VAV3: variants seen among roughly 807,000 people sequenced by gnomAD.
The protein encoded by VAV3 is guanine nucleotide exchange factor VAV3.
Under a neutral mutation model 131.2 loss-of-function variants are expected in VAV3, and 94 were observed. The ratio of observed to expected loss-of-function variants is 0.72; its 90% CI spans 0.61 to 0.85. The LOEUF (loss-of-function observed/expected upper bound fraction) is 0.85, where lower values mean the gene tolerates loss of function less well. VAV3 is among the 40% of genes least tolerant of loss of function. VAV3 has a pLI of 0.00. For synonymous variants in VAV3, 349 were observed against 342.0 expected (o/e 1.02, Z -0.22); for missense variants, 939 against 1,002.7 (o/e 0.94, Z 0.86).
At chr1:107,768,321 A>C in intron 7 of VAV3, 120 bp downstream of exon 7, 1 of 687,204 alleles carries the variant, frequency 1.5e-6, no homozygotes, top group Admixed American at 3.5e-5. Flanking sequence ...AAAATAAATA[A>C]ATAAGGCCAA....
At chr1:107,856,201 A>G (rs1018281876) in intron 2 of VAV3, among the ~76,000 whole-genome samples, 1 of 152,228 alleles carries the variant, frequency 6.6e-6, no homozygotes, top group Non-Finnish European at 1.5e-5. Flanking sequence ...AAATACAAGG[A>G]GAGACACTGA....
At position 107,964,726 on chromosome 1, in the gene VAV3, G is replaced by A; in HGVS notation, c.144C>T (p.Asn48=). 6.2e-7 allele frequency: 1 copy of A among 1,614,156 alleles called. No individual in the cohort carries two copies. The highest frequency in any genetic ancestry group is 8.5e-7 in the Non-Finnish European group (1 of 1,180,024). Residue 48 remains asparagine (N), a synonymous_variant, in exon 1 of 27, where the codon AAC becomes AAT. Transcript: ENST00000370056. Reference sequence around the variant, plus strand: ...GGTTGATGGAGTGCGCCCGGAGGTTGTTAAGCAGCTGGCAGAGCAGGACTC... The same window carrying A: ...GGTTGATGGAGTGCGCCCGGAGGTTATTAAGCAGCTGGCAGAGCAGGACTC... The part of the protein sequence containing the change: ...RDGVLLCQLL[N]NLRAHSINLK...
intron 2 of VAV3, among the ~76,000 whole-genome samples, chr1:107,838,346 T>A (rs946346802): frequency 6.6e-6 from 1 of 152,012 alleles, no homozygotes; most frequent in East Asian, 1.9e-4. Context: ...CCAACAAACA[T>A]AAATGTTCAA....
chr1:107,960,189 T>G (rs893426373), intron 1 of VAV3, among the ~76,000 whole-genome samples: 3 of 152,196 alleles, frequency 2.0e-5, no homozygotes, highest in Non-Finnish European at 2.9e-5. Context: ...AAATCAGGGC[T>G]GGGCGTGGCA....
At chr1:107,790,678 C>CTTT in intron 2 of VAV3, among the ~76,000 whole-genome samples, 1 of 102,362 alleles carries the variant, frequency 9.8e-6, no homozygotes, top group African/African-American at 3.6e-5. Flanking sequence ...TAAATGTCTT[C>CTTT]CTTTTTTTTT....
At chr1:107,717,696 G>C (rs769949001) in intron 15 of VAV3, among the ~76,000 whole-genome samples, 75 of 152,222 alleles carry the variant, frequency 4.9e-4, no homozygotes, top group Non-Finnish European at 3.4e-4. Context: ...ATGTGGTGCT[G>C]AGAAGAAGAT....
intron 2 of VAV3, among the ~76,000 whole-genome samples, chr1:107,838,742 A>G (rs1337474686): frequency 6.6e-6 from 1 of 152,146 alleles, no homozygotes; most frequent in Non-Finnish European, 1.5e-5. Context: ...GAAATTGTAC[A>G]CCATGGGATA....
intron 1 of VAV3, among the ~76,000 whole-genome samples, chr1:107,897,691 C>A (rs1027408071): frequency 2.4e-4 from 36 of 152,078 alleles, no homozygotes; most frequent in Non-Finnish European, 2.1e-4. Flanking sequence ...GACTGCAGTT[C>A]CTCAGAACCG....
At chr1:107,869,950 C>T (rs1041946390) in intron 2 of VAV3, among the ~76,000 whole-genome samples, 1 of 152,196 alleles carries the variant, frequency 6.6e-6, no homozygotes, top group African/African-American at 2.4e-5. Flanking sequence ...CCAGTTCCAT[C>T]CAGGTTGCTG....
chr1:107,658,462 C>T lies in VAV3; in HGVS notation c.1778-15707G>A, dbSNP rs1004257137. ...GATTTATAATCCTTTGGGTATATAC[C>T]CAGTAATGGGATGGCTGGGTCAAAT... On this transcript the variant is annotated intron_variant, in intron 19 of 26. Coordinates refer to ENST00000370056, the MANE Select transcript of VAV3 (RefSeq NM_006113.5). 9.9e-5 allele frequency among the ~76,000 whole-genome samples: 15 copies of T among 152,088 alleles called. No individual in the cohort carries two copies. In the East Asian group the frequency reaches 1.7e-3, roughly 18 times the overall value.
chr1:107,651,542 AAGGGAGGGAGGGAGGG>A (rs71098642), intron 19 of VAV3, among the ~76,000 whole-genome samples: 1 of 132,664 alleles, frequency 7.5e-6, no homozygotes, highest in Non-Finnish European at 1.6e-5. Flanking sequence ...CAAAGTAAGG[AAGGGAGGGAGGGAGGG>A]AGGGAGGGAC....
intron 19 of VAV3, among the ~76,000 whole-genome samples, chr1:107,645,641 A>G (rs1249842922): frequency 6.6e-6 from 1 of 152,104 alleles, no homozygotes; most frequent in Non-Finnish European, 1.5e-5. Flanking sequence ...AAGACAAAAA[A>G]TTGCGATTAA....
chr1:107,642,933 A>G (rs1187278318), intron 19 of VAV3, among the ~76,000 whole-genome samples, 178 bp from the exon 20 acceptor site: 1 of 152,192 alleles, frequency 6.6e-6, no homozygotes, highest in African/African-American at 2.4e-5. Flanking sequence ...ATGAGATGGT[A>G]ATAGAATAAG....
rs1655431801 is a variant in VAV3 at position 107,642,672 on chromosome 1, C to A, written c.1861G>T (p.Ala621Ser). ...TTCAGAAGTTCAACGGTATCCCCGG[C>A]CTGGAGCTGTAAAGGGGGTCCTTCA... is the stretch of plus-strand genomic sequence containing the variant. The part of the protein sequence containing the change: ...LHEGPPLQLQ[A>S]GDTVELLKGD... The change falls in exon 20 of 27, where the codon GCC (alanine) becomes TCC (serine). Residue 621 changes from alanine (A) to serine (S), a missense_variant. By Grantham distance (99) the Ala-to-Ser change is moderately conservative. Transcript: ENST00000370056. 6.2e-7 allele frequency: 1 copy of A among 1,613,310 alleles called. No individual in the cohort carries two copies. Among genetic ancestry groups the A allele is most frequent in the East Asian group, 2.2e-5 (1 of 44,826 alleles).
chr1:107,928,517 CAAA>C (rs749359985), intron 1 of VAV3, among the ~76,000 whole-genome samples: 19 of 152,070 alleles, frequency 1.2e-4, no homozygotes, highest in Non-Finnish European at 2.5e-4. Flanking sequence ...CAAGATAACA[CAAA>C]GAAGGAATTC....
At chr1:107,577,692 G>C (rs1649753244) in intron 25 of VAV3, among the ~76,000 whole-genome samples, 1 of 152,186 alleles carries the variant, frequency 6.6e-6, no homozygotes, top group Non-Finnish European at 1.5e-5. Flanking sequence ...TCATGAGGAG[G>C]AAAGCCTCCC....
intron 5 of VAV3, among the ~76,000 whole-genome samples, chr1:107,771,667 A>G (rs1023517881): frequency 2.6e-5 from 4 of 152,252 alleles, no homozygotes; most frequent in African/African-American, 9.6e-5. Context: ...AATAAGATAA[A>G]CAGTATAAAG....
intron 20 of VAV3, among the ~76,000 whole-genome samples, chr1:107,636,577 CA>C (rs1654946194): frequency 6.6e-6 from 1 of 151,892 alleles, no homozygotes; most frequent in African/African-American, 2.4e-5. Flanking sequence ...CACAGTTGGG[CA>C]AAATAATACA....
intron 25 of VAV3, among the ~76,000 whole-genome samples, chr1:107,581,863 C>T (rs1282201605): frequency 1.3e-5 from 2 of 152,202 alleles, no homozygotes; most frequent in African/African-American, 4.8e-5. Context: ...CTAATCGACA[C>T]TCTTCGTTCA....
Sources: gnomAD v4.1 joint callset for allele counts (sites outside exome capture counted in the v4.1 genomes callset) on GRCh38, gnomAD v4.1.1 for gene constraint, MANE v1.5 for transcripts, NCBI Gene and HGNC (gene_info 2026-07-23, HGNC 2026-07-21) for gene names.